Variants in NTRK3 observed in about 807,000 individuals in gnomAD.
The protein encoded by NTRK3 is neurotrophic receptor tyrosine kinase 3, also known as NT-3 growth factor receptor.
A neutral mutation model predicts 91.7 loss-of-function variants in NTRK3; 24 were observed. The observed-to-expected ratio is 0.26, with a 90% CI of 0.19 to 0.37. NTRK3 has a LOEUF of 0.37. NTRK3 is among the 10% of genes least tolerant of loss of function. The probability of loss-of-function intolerance (pLI) is 1.00; values close to 1 mark genes in which losing one functional copy is unlikely to be tolerated. For missense variants in NTRK3, 880 were observed against 1,068.9 expected (o/e 0.82, Z 2.46); for synonymous variants, 483 against 404.0 (o/e 1.20, Z -2.34).
exon 19 of NTRK3, chr15:87,871,978 A>G (rs2064836554): frequency 4.5e-6 from 1 of 221,102 alleles, no homozygotes; most frequent in African/African-American, 2.2e-5. Flanking sequence ...ATTGGCCAAA[A>G]CAATTTATTT....
chr15:87,881,663 C>T (rs1215112463), intron 17 of NTRK3, among the ~76,000 whole-genome samples: 1 of 152,072 alleles, frequency 6.6e-6, no homozygotes, highest in African/African-American at 2.4e-5. Context: ...TCGTGATCCG[C>T]CTGCCTCGGC....
intron 6 of NTRK3, among the ~76,000 whole-genome samples, chr15:88,145,734 C>T (rs372203965): frequency 6.6e-6 from 1 of 152,178 alleles, no homozygotes; most frequent in Non-Finnish European, 1.5e-5. Context: ...CATCCCTGGC[C>T]TCCTGAGATG....
intron 14 of NTRK3, chr15:87,979,545 G>T: frequency 1.1e-6 from 1 of 909,226 alleles, no homozygotes; most frequent in Non-Finnish European, 1.8e-6. Flanking sequence ...TCAAAACTAG[G>T]AGGGGAAATA....
intron 13 of NTRK3, among the ~76,000 whole-genome samples, chr15:88,085,079 C>T (rs1261238270): frequency 6.6e-6 from 1 of 152,120 alleles, no homozygotes; most frequent in Non-Finnish European, 1.5e-5. Flanking sequence ...ACAAGATAGC[C>T]AATGTCAAAT....
At chr15:88,012,939 C>T (rs1177707095) in intron 14 of NTRK3, among the ~76,000 whole-genome samples, 1 of 152,230 alleles carries the variant, frequency 6.6e-6, no homozygotes, top group Admixed American at 6.5e-5. Context: ...TGCTGCTGGT[C>T]TGCACACCAC....
chr15:87,875,373 G>A, exon 19 of NTRK3: 1 of 231,450 alleles, frequency 4.3e-6, no homozygotes, highest in Non-Finnish European at 8.5e-6. Context: ...CCAGAGGTCG[G>A]CCCCACTGTG....
intron 3 of NTRK3, among the ~76,000 whole-genome samples, chr15:88,192,152 T>G (rs2047456600): frequency 6.6e-6 from 1 of 152,200 alleles, no homozygotes; most frequent in Admixed American, 6.5e-5. Context: ...GTGCCAGGAA[T>G]GAAGAACGTT....
At chr15:88,254,434 G>T (rs1241543749) in intron 3 of NTRK3, among the ~76,000 whole-genome samples, 5 of 152,130 alleles carry the variant, frequency 3.3e-5, no homozygotes, top group Admixed American at 1.3e-4. Context: ...AGAGGGTAAG[G>T]GGGTGAACAG....
chr15:87,941,406 G>A (rs2069832451), intron 14 of NTRK3, among the ~76,000 whole-genome samples: 1 of 152,010 alleles, frequency 6.6e-6, no homozygotes, highest in African/African-American at 2.4e-5. Flanking sequence ...AAAGAGCTTG[G>A]CCCAGTGATG....
chr15:88,256,211 GGA>G (rs1253754813), intron 2 of NTRK3, 43 bp from the exon 3 acceptor site: 13 of 688,750 alleles, frequency 1.9e-5, no homozygotes, highest in Non-Finnish European at 2.8e-5. Flanking sequence ...TGGGGTGGGG[GGA>G]GTGGGGAGAG....
chr15:88,003,205 G>T (rs1297230021), intron 14 of NTRK3, among the ~76,000 whole-genome samples: 1 of 152,258 alleles, frequency 6.6e-6, no homozygotes, highest in East Asian at 1.9e-4. Flanking sequence ...GAATGGTCTA[G>T]ATCTAACTGA....
At chr15:87,912,925 AAAAAAAATATATATATATATATAT>A (rs1490202910) in intron 17 of NTRK3, among the ~76,000 whole-genome samples, 1 of 32,882 alleles carries the variant, frequency 3.0e-5, no homozygotes, top group Admixed American at 4.0e-4. Flanking sequence ...TCAAAAAGTA[AAAAAAAATATATATATATATATAT>A]ATATATATAT....
chr15:88,119,831 T>C (rs139904576), intron 13 of NTRK3, among the ~76,000 whole-genome samples: 13 of 152,342 alleles, frequency 8.5e-5, no homozygotes, highest in African/African-American at 3.1e-4. Flanking sequence ...AATAAGTGTA[T>C]TGTGCAGGGT....
intron 14 of NTRK3, among the ~76,000 whole-genome samples, chr15:88,006,569 T>C (rs1488998404): frequency 1.3e-5 from 2 of 152,202 alleles, no homozygotes; most frequent in Non-Finnish European, 2.9e-5. Flanking sequence ...ACAGGACACA[T>C]GTGGCTTCAG....
rs143767888 is a variant in NTRK3, at chr15:88,118,848, T to G, written c.1396+7423A>C. 4.1e-4 allele frequency among the ~76,000 whole-genome samples: 62 copies of G among 152,232 alleles called. No individual in the cohort carries two copies. In the East Asian group the frequency reaches 0.011, roughly 27 times the overall value. On this transcript the variant is annotated intron_variant, in intron 13 of 18. Transcript: ENST00000394480. ...GGGCTGTTAACCCTGTGGGAGCCAT[T>G]TGCAACAACACGAGTCAGTAAGCAC...
intron 3 of NTRK3, among the ~76,000 whole-genome samples, chr15:88,218,813 T>C (rs1167818087): frequency 6.6e-6 from 1 of 152,232 alleles, no homozygotes; most frequent in Non-Finnish European, 1.5e-5. Flanking sequence ...TTAACCCCTG[T>C]GAGAGGTGGA....
At chr15:87,937,238 A>G (rs1260163339) in intron 15 of NTRK3, among the ~76,000 whole-genome samples, 6 of 152,220 alleles carry the variant, frequency 3.9e-5, no homozygotes, top group African/African-American at 1.4e-4. Context: ...GATTGTTCCC[A>G]AACTCATTCA....
intron 14 of NTRK3, among the ~76,000 whole-genome samples, chr15:87,941,204 A>C (rs190700221): frequency 2.0e-5 from 3 of 152,242 alleles, no homozygotes; most frequent in Non-Finnish European, 2.9e-5. Flanking sequence ...TGTTGGTCAT[A>C]CTTTGAAAAG....
intron 13 of NTRK3, among the ~76,000 whole-genome samples, chr15:88,046,041 A>G (rs2080155857): frequency 6.6e-6 from 1 of 152,204 alleles, no homozygotes; most frequent in Non-Finnish European, 1.5e-5. Context: ...AACCCACAGC[A>G]CCATGTCTCC....
Sources: allele counts gnomAD v4.1 joint callset (sites outside exome capture counted in the v4.1 genomes callset), GRCh38; gene constraint gnomAD v4.1.1; transcripts MANE v1.5; gene names NCBI Gene and HGNC (gene_info 2026-07-23, HGNC 2026-07-21).